The following TEX36 variants were observed in gnomAD, a reference collection of about 807,000 sequenced individuals.
The protein encoded by TEX36 is testis-expressed protein 36.
A neutral mutation model predicts 13.6 loss-of-function variants in TEX36; 12 were observed. The ratio of observed to expected loss-of-function variants is 0.88; its 90% CI spans 0.56 to 1.43. TEX36 has a LOEUF of 1.43. TEX36 is among the 40% of genes most tolerant of loss of function. The pLI is 0.00. For synonymous variants in TEX36, 93 were observed against 83.0 expected (o/e 1.12, Z -0.65); for missense variants, 224 against 228.3 (o/e 0.98, Z 0.12).
chr10:125,641,279 T>G (rs1008227859), intron 3 of TEX36, among the ~76,000 whole-genome samples: 7 of 152,200 alleles, frequency 4.6e-5, no homozygotes, highest in Non-Finnish European at 5.9e-5. Context: ...ACAAGGCAAC[T>G]TTTAAGTCAT....
At chr10:125,603,401 G>T (rs927964343) in intron 3 of TEX36, among the ~76,000 whole-genome samples, 3 of 152,046 alleles carry the variant, frequency 2.0e-5, no homozygotes, top group East Asian at 1.9e-4. Flanking sequence ...ACCTCTTAGT[G>T]GTCCCCCATC....
intron 3 of TEX36, among the ~76,000 whole-genome samples, chr10:125,602,683 A>G (rs1846164395): frequency 6.6e-6 from 1 of 152,264 alleles, no homozygotes; most frequent in Non-Finnish European, 1.5e-5. Context: ...GACAGAGAAG[A>G]AATGGATGAA....
chr10:125,671,012 G>T (rs148912653), intron 1 of TEX36, among the ~76,000 whole-genome samples: 1,565 of 152,088 alleles, frequency 0.01, 11 homozygotes, highest in Middle Eastern at 0.034. Flanking sequence ...AAGTCAGGTA[G>T]CATGATGCCT....
chr10:125,635,207 G>A (rs1846608385), intron 3 of TEX36, among the ~76,000 whole-genome samples: 1 of 152,152 alleles, frequency 6.6e-6, no homozygotes, highest in Admixed American at 6.5e-5. Context: ...CATGCATTTA[G>A]GAGAAGGGAT....
At chr10:125,660,532 G>C (rs533189402) in intron 3 of TEX36, among the ~76,000 whole-genome samples, 1 of 152,280 alleles carries the variant, frequency 6.6e-6, no homozygotes, top group African/African-American at 2.4e-5. Flanking sequence ...CTATCACACA[G>C]TGCTGTGTGA....
chr10:125,601,018 A>G (rs1032197637), intron 3 of TEX36, among the ~76,000 whole-genome samples: 1 of 152,230 alleles, frequency 6.6e-6, no homozygotes, highest in Non-Finnish European at 1.5e-5. Context: ...TAGCTTTCTC[A>G]TTTGGCCAGA....
chr10:125,681,947 T>C (rs1244675054), intron 1 of TEX36, among the ~76,000 whole-genome samples: 3 of 152,214 alleles, frequency 2.0e-5, no homozygotes, highest in African/African-American at 7.2e-5. Context: ...AGATCAGTTT[T>C]TTAAAGCCTT....
chr10:125,620,636 C>T (rs191501885), downstream of TEX36, among the ~76,000 whole-genome samples: 231 of 152,268 alleles, frequency 1.5e-3, no homozygotes, highest in African/African-American at 5.4e-3. Context: ...TGGTAAAATG[C>T]ACATAAGATA....
chr10:125,682,983 T>C lies in TEX36; in HGVS notation c.7A>G (p.Lys3Glu). The C allele has an allele frequency of 6.4e-7, 1 of 1,551,738 alleles. No homozygotes were observed. The highest frequency in any genetic ancestry group is 1.7e-4 in the Middle Eastern group (1 of 5,992). Residue 3 changes from lysine to glutamate, a missense_variant, in exon 1 of 4, where the codon AAA (lysine) becomes GAA (glutamate). Transcript: ENST00000368821. MT[K>E]GRRFNPPSDK... ...GAAGGTGGGTTGAAGCGTCGCCCTT[T>C]GGTCATTCTCTCCAGGAAGCTGAAT...
At chr10:125,674,095 T>G (rs1298252368) in intron 1 of TEX36, among the ~76,000 whole-genome samples, 1 of 152,242 alleles carries the variant, frequency 6.6e-6, no homozygotes, top group African/African-American at 2.4e-5. Context: ...AATCCCATAT[T>G]TCTCAGAGGT....
At chr10:125,643,949 C>CA (rs1413892454) in intron 3 of TEX36, among the ~76,000 whole-genome samples, 11 of 151,536 alleles carry the variant, frequency 7.3e-5, no homozygotes, top group South Asian at 2.1e-4. Context: ...AGAACAACAA[C>CA]AAAAAAAACA....
chr10:125,679,581 G>C (rs1239020284), intron 1 of TEX36, among the ~76,000 whole-genome samples: 2 of 152,168 alleles, frequency 1.3e-5, no homozygotes, highest in Admixed American at 6.5e-5. Context: ...CATGTGGGCT[G>C]CCGGAAGTCT....
At chr10:125,577,844 T>C (rs1414829926) in intron 3 of TEX36, among the ~76,000 whole-genome samples, 2 of 152,174 alleles carry the variant, frequency 1.3e-5, no homozygotes, top group Admixed American at 6.5e-5. Context: ...ACTGCACAAA[T>C]AACTGGAAGG....
chr10:125,586,227 T>C (rs889629214), intron 3 of TEX36, among the ~76,000 whole-genome samples: 6 of 152,210 alleles, frequency 3.9e-5, no homozygotes, highest in African/African-American at 1.4e-4. Context: ...TCTTTATAAA[T>C]AAGGTTGGGA....
At chr10:125,605,941 T>C (rs1326036606) in intron 3 of TEX36, among the ~76,000 whole-genome samples, 1 of 152,220 alleles carries the variant, frequency 6.6e-6, no homozygotes, top group African/African-American at 2.4e-5. Context: ...AGGGAATCTA[T>C]TCACCTTTCA....
intron 3 of TEX36, among the ~76,000 whole-genome samples, chr10:125,603,211 G>T (rs188849959): frequency 2.8e-4 from 43 of 152,258 alleles, no homozygotes; most frequent in African/African-American, 9.6e-4. Flanking sequence ...CCTCTCCATG[G>T]CCCCCCGCCA....
chr10:125,612,445 T>C (rs958080284), intron 3 of TEX36, among the ~76,000 whole-genome samples: 11 of 152,182 alleles, frequency 7.2e-5, no homozygotes, highest in African/African-American at 2.7e-4. Flanking sequence ...AAACTGAGGC[T>C]TTCTGTTTCT....
At chr10:125,649,710 T>C (rs561455494) in intron 3 of TEX36, among the ~76,000 whole-genome samples, 126 of 152,144 alleles carry the variant, frequency 8.3e-4, no homozygotes, top group Middle Eastern at 3.4e-3. Context: ...GCAAATTGGA[T>C]AAAGAGTCAA....
chr10:125,653,317 A>C (rs1390526680), downstream of TEX36, among the ~76,000 whole-genome samples: 3 of 152,202 alleles, frequency 2.0e-5, no homozygotes, highest in Admixed American at 2.0e-4. Context: ...ATAAAAAAGG[A>C]TGAGTTCATG....
Sources: gnomAD v4.1 joint callset for allele counts (sites outside exome capture counted in the v4.1 genomes callset) on GRCh38, gnomAD v4.1.1 for gene constraint, MANE v1.5 for transcripts, NCBI Gene and HGNC (gene_info 2026-07-23, HGNC 2026-07-21) for gene names.